FCHO2: variants seen among roughly 807,000 people sequenced by gnomAD.
FCHO2 encodes the protein F-BAR domain only protein 2.
Under a neutral mutation model 114.1 loss-of-function variants are expected in FCHO2, and 43 were observed. That is an observed-to-expected ratio of 0.38 (90% CI 0.30 to 0.49). The LOEUF (loss-of-function observed/expected upper bound fraction) is 0.49, where lower values mean the gene tolerates loss of function less well. FCHO2 is among the 20% of genes least tolerant of loss of function. FCHO2 has a pLI of 0.97. For synonymous variants in FCHO2, 293 were observed against 315.2 expected (o/e 0.93, Z 0.75); for missense variants, 807 against 950.4 (o/e 0.85, Z 1.98).
chr5:72,981,954 T>C (rs1201596674), intron 2 of FCHO2, among the ~76,000 whole-genome samples: 1 of 152,202 alleles, frequency 6.6e-6, no homozygotes, highest in East Asian at 1.9e-4. Context: ...TCTGTCAGTT[T>C]GTCAAACTCA....
chr5:72,977,968 A>G (rs1752978192), intron 2 of FCHO2, among the ~76,000 whole-genome samples: 1 of 152,050 alleles, frequency 6.6e-6, no homozygotes, highest in Admixed American at 6.6e-5. Flanking sequence ...CTTCTGTTCC[A>G]TTGGTCTATA....
At chr5:72,958,632 C>T (rs1012977995) in intron 1 of FCHO2, among the ~76,000 whole-genome samples, 1 of 152,190 alleles carries the variant, frequency 6.6e-6, no homozygotes, top group East Asian at 1.9e-4. Flanking sequence ...AGTATGAGTC[C>T]TCTAGCTTTT....
At chr5:73,015,057 C>G (rs1354781660) in intron 6 of FCHO2, among the ~76,000 whole-genome samples, 3 of 106,674 alleles carry the variant, frequency 2.8e-5, no homozygotes, top group African/African-American at 7.5e-5. Context: ...GCCTGGGTGA[C>G]AGAGCAAGAC....
chr5:73,069,274 C>A (rs1366578304), intron 19 of FCHO2, among the ~76,000 whole-genome samples: 1 of 152,094 alleles, frequency 6.6e-6, no homozygotes, highest in Non-Finnish European at 1.5e-5. Flanking sequence ...ACAATTTTTC[C>A]ATGGACTGGG....
At chr5:72,981,917 G>A (rs1047056150) in intron 2 of FCHO2, among the ~76,000 whole-genome samples, 3 of 152,072 alleles carry the variant, frequency 2.0e-5, no homozygotes, top group African/African-American at 7.2e-5. Flanking sequence ...AGGGGAGTTT[G>A]TTATTACCCA....
chr5:73,019,452 G>C (rs1007016035), intron 8 of FCHO2, among the ~76,000 whole-genome samples: 2 of 152,164 alleles, frequency 1.3e-5, no homozygotes, highest in African/African-American at 4.8e-5. Flanking sequence ...TGAGGCGGGA[G>C]AATTGCTTGA....
intron 2 of FCHO2, among the ~76,000 whole-genome samples, chr5:72,975,938 G>A (rs542614173): frequency 4.6e-4 from 70 of 152,276 alleles, no homozygotes; most frequent in African/African-American, 1.3e-3. Context: ...GTAAACATCT[G>A]TGTGCAGGTT....
chr5:73,060,138 C>G (rs1277274469), intron 17 of FCHO2, among the ~76,000 whole-genome samples: 1 of 151,926 alleles, frequency 6.6e-6, no homozygotes, highest in African/African-American at 2.4e-5. Flanking sequence ...GAGTGTTTGG[C>G]TCATATCACC....
intron 5 of FCHO2, among the ~76,000 whole-genome samples, chr5:73,003,325 A>T (rs1367445651): frequency 3.9e-5 from 6 of 151,964 alleles, no homozygotes; most frequent in Non-Finnish European, 8.8e-5. Context: ...TTTTTTAAAA[A>T]TTTTTATTGT....
At chr5:73,065,345 A>G (rs1373594546) in intron 18 of FCHO2, among the ~76,000 whole-genome samples, 2 of 152,026 alleles carry the variant, frequency 1.3e-5, no homozygotes, top group Non-Finnish European at 2.9e-5. Flanking sequence ...AATTTGGAAA[A>G]CAGAGAAAGC....
At chr5:73,010,901 AAGAG>A (rs1210856090) in intron 6 of FCHO2, among the ~76,000 whole-genome samples, 2 of 150,600 alleles carry the variant, frequency 1.3e-5, no homozygotes, top group African/African-American at 4.9e-5. Flanking sequence ...AAAAAAAAAA[AAGAG>A]AGAATGTACT....
intron 2 of FCHO2, among the ~76,000 whole-genome samples, chr5:72,973,292 T>G (rs1456847136): frequency 1.3e-5 from 2 of 152,202 alleles, no homozygotes; most frequent in East Asian, 3.9e-4. Context: ...AGTTCCTCCT[T>G]GTACCTCTGG....
chr5:73,048,247 C>T (rs1003922209), intron 11 of FCHO2, among the ~76,000 whole-genome samples: 8 of 151,782 alleles, frequency 5.3e-5, no homozygotes, highest in Non-Finnish European at 1.2e-4. Context: ...GCCAGGAGTT[C>T]GAGACCAGCC....
intron 19 of FCHO2, among the ~76,000 whole-genome samples, chr5:73,070,709 A>G (rs1236462568): frequency 1.3e-5 from 2 of 152,026 alleles, no homozygotes; most frequent in Non-Finnish European, 2.9e-5. Flanking sequence ...AGCAGGTGAC[A>G]GTGATAATAC....
rs145716556 is a variant in FCHO2, at chr5:73,023,141, A to G, written c.796+5833A>G. 4.1e-3 allele frequency among the ~76,000 whole-genome samples: 626 copies of G among 152,288 alleles called. 3 individuals are homozygous for G. The highest frequency in any genetic ancestry group is 0.014 in the African/African-American group (595 of 41,558). ...AAGGGATAATGGAAATATCTTTTGA[A>G]CAGACAAAAATTACTACTGTAGTAC... On this transcript the variant is annotated intron_variant, in intron 8 of 25. Transcript: ENST00000430046.
chr5:73,013,735 T>G (rs1456829147), intron 6 of FCHO2, among the ~76,000 whole-genome samples: 1 of 152,198 alleles, frequency 6.6e-6, no homozygotes, highest in Non-Finnish European at 1.5e-5. Context: ...AGGCGCGATC[T>G]TGGCTCACTG....
intron 19 of FCHO2, among the ~76,000 whole-genome samples, chr5:73,073,376 C>G (rs1419776249): frequency 6.6e-6 from 1 of 152,090 alleles, no homozygotes; most frequent in Non-Finnish European, 1.5e-5. Flanking sequence ...ATCATGAGCA[C>G]TTTTCCAGCC....
At chr5:73,037,839 C>A in intron 10 of FCHO2, 1 of 350,428 alleles carries the variant, frequency 2.9e-6, no homozygotes, top group Non-Finnish European at 5.7e-6. Flanking sequence ...TTACTGCATT[C>A]TCCACCTCCC....
At chr5:72,970,361 C>T (rs1254990273) in intron 2 of FCHO2, among the ~76,000 whole-genome samples, 2 of 152,174 alleles carry the variant, frequency 1.3e-5, no homozygotes, top group African/African-American at 2.4e-5. Context: ...CAGGCTGCTC[C>T]TTATTCTTTC....
Sources: gnomAD v4.1 joint callset for allele counts (sites outside exome capture counted in the v4.1 genomes callset) on GRCh38, gnomAD v4.1.1 for gene constraint, MANE v1.5 for transcripts, NCBI Gene and HGNC (gene_info 2026-07-23, HGNC 2026-07-21) for gene names.